Variants in TRIOBP observed in about 807,000 individuals in gnomAD.
TRIOBP encodes the protein TRIO and F-actin binding protein.
TRIOBP carries 169 observed loss-of-function variants against 238.8 expected under a neutral mutation model. The observed-to-expected ratio is 0.71, with a 90% CI of 0.62 to 0.80. The LOEUF (loss-of-function observed/expected upper bound fraction) is 0.80, where lower values mean the gene tolerates loss of function less well. TRIOBP is among the 30% of genes least tolerant of loss of function. The pLI is 0.00. For synonymous variants in TRIOBP, 1,150 were observed against 1,274.4 expected (o/e 0.90, Z 2.08); for missense variants, 2,838 against 3,122.6 (o/e 0.91, Z 2.17).
At chr22:37,748,278 C>T (rs933175929) in intron 11 of TRIOBP, among the ~76,000 whole-genome samples, 14 of 152,186 alleles carry the variant, frequency 9.2e-5, no homozygotes, top group Non-Finnish European at 7.3e-5. Context: ...TCCTCCTGTA[C>T]CCACCTCACA....
chr22:37,702,634 CTTTTTTT>C (rs34625454), intron 3 of TRIOBP, among the ~76,000 whole-genome samples: 161 of 81,206 alleles, frequency 2.0e-3, no homozygotes, highest in African/African-American at 7.4e-3. Context: ...TTCTCTCTCT[CTTTTTTT>C]TTTTTTTTTT....
At position 37,734,903 on chromosome 22, in the gene TRIOBP, G is replaced by T. The variant is rs143343534; in HGVS notation, c.4567G>T (p.Ala1523Ser). The T allele has an allele frequency of 3.1e-6, 5 of 1,613,154 alleles. No individual in the cohort carries two copies. In the African/African-American group the frequency reaches 6.7e-5, roughly 22 times the overall value. Residue 1523 changes from alanine (A) to serine (S), a missense_variant, in exon 9 of 24, where the codon GCA (alanine) becomes TCA (serine). Physicochemically the swap from Ala to Ser is moderately conservative, Grantham distance 99 (BLOSUM62 1). Transcript: ENST00000644935. ...CCCCCCTGAGAACTGGGGAGGCCCC[G>T]CAGAGTCCTCACAATCCTGGCACTC... Reference protein sequence around the residue: ...TSPPENWGGPAESSQSWHSGT... With the variant: ...TSPPENWGGPSESSQSWHSGT...
Position 37,734,755 on chromosome 22 carries a change from G to A in TRIOBP, c.4419G>A (p.Pro1473=), listed in dbSNP as rs376111214. ...GEPSLGAAKA[P]EGAWGGTSRE... The stretch of plus-strand genomic sequence containing the variant: ...CCAGCCTGGGGGCAGCCAAAGCCCC[G>A]GAGGGAGCATGGGGGGGCACTTCCA... The change falls in exon 9 of 24, where the codon CCG becomes CCA. Residue 1473 remains proline, a synonymous_variant. Transcript: ENST00000644935. 149 of 1,612,034 alleles carry A rather than the reference G, an allele frequency of 9.2e-5. No individual in the cohort carries two copies. The highest frequency in any genetic ancestry group is 8.5e-4 in the South Asian group (77 of 90,978).
At chr22:37,757,222 G>A (rs749834278) in intron 15 of TRIOBP, among the ~76,000 whole-genome samples, 4 of 152,104 alleles carry the variant, frequency 2.6e-5, no homozygotes, top group African/African-American at 7.2e-5. Context: ...AATTAGCTGG[G>A]CGTGGTGGTG....
chr22:37,702,945 A>G (rs1050668262), intron 3 of TRIOBP, among the ~76,000 whole-genome samples: 1 of 152,048 alleles, frequency 6.6e-6, no homozygotes, highest in Non-Finnish European at 1.5e-5. Context: ...ACCTGGTCTC[A>G]AGATTTTCTT....
At chr22:37,741,165 G>A (rs1310252688) in intron 11 of TRIOBP, 133 bp downstream of exon 11, 12 of 1,236,218 alleles carry the variant, frequency 9.7e-6, no homozygotes, top group South Asian at 1.4e-5. Flanking sequence ...CGCATGACAG[G>A]AGAGGTGGGA....
At position 37,759,295 on chromosome 22, in the gene TRIOBP, G is replaced by A. The variant is rs746711316; in HGVS notation, c.6324+31G>A. 9 of 1,599,030 alleles carry A rather than the reference G, an allele frequency of 5.6e-6. No homozygotes were observed. In the Admixed American group the frequency reaches 1.2e-4, roughly 21 times the overall value. ...GCCGGGGGGCTGTTTTTCAGGGGGAGGGGGCAGATTTCTGCTTGCCGTGTT... is the reference window on the plus strand; with the variant it reads ...GCCGGGGGGCTGTTTTTCAGGGGGAAGGGGCAGATTTCTGCTTGCCGTGTT... On this transcript the variant is annotated intron_variant, in intron 17 of 23. Coordinates refer to ENST00000644935, the MANE Select transcript of TRIOBP (RefSeq NM_001039141.3).
intron 6 of TRIOBP, among the ~76,000 whole-genome samples, chr22:37,718,225 C>G (rs1296104188): frequency 6.6e-6 from 1 of 152,210 alleles, no homozygotes; most frequent in African/African-American, 2.4e-5. Context: ...GCCTCTCCCT[C>G]CACACCTCCG....
Position 37,723,790 on chromosome 22 carries a change from C to T in TRIOBP, c.1234C>T (p.Pro412Ser). 7.0e-7 allele frequency: 1 copy of T among 1,419,750 alleles called. No homozygotes were observed. Among genetic ancestry groups the T allele is most frequent in the Non-Finnish European group, 9.9e-7 (1 of 1,010,564 alleles). 87.9% of individuals were successfully genotyped at this position (1,419,750 alleles called of 1,614,324 possible). ...SRTSCAQRDN[P>S]KASRTSSPNR... The stretch of plus-strand genomic sequence containing the variant: ...AACATCCTGTGCCCAGCGGGACAAT[C>T]CCAAAGCCTCCAGAACCTCCTCTCC... Residue 412 changes from proline to serine, a missense_variant, in exon 7 of 24, where the codon CCC (proline) becomes TCC (serine). This residue lies in a region of TRIOBP where 535 missense variants were observed against 537.3 expected (regional missense o/e 1.00). Coordinates refer to ENST00000644935, the MANE Select transcript of TRIOBP (RefSeq NM_001039141.3).
intron 2 of TRIOBP, among the ~76,000 whole-genome samples, chr22:37,701,050 A>G (rs1404309139): frequency 6.6e-6 from 1 of 152,190 alleles, no homozygotes; most frequent in Non-Finnish European, 1.5e-5. Context: ...CTTGGCGTGC[A>G]CTTTCAGCAA....
At chr22:37,712,139 T>A (rs1349194804) in intron 4 of TRIOBP, among the ~76,000 whole-genome samples, 2 of 152,040 alleles carry the variant, frequency 1.3e-5, no homozygotes, top group Non-Finnish European at 2.9e-5. Context: ...TTGGCCAGTC[T>A]CTTGACCTCT....
intron 12 of TRIOBP, among the ~76,000 whole-genome samples, chr22:37,753,855 G>A (rs1925762141): frequency 1.3e-5 from 2 of 152,186 alleles, no homozygotes; most frequent in African/African-American, 4.8e-5. Context: ...CTGGGGACCG[G>A]GTGATATGCA....
chr22:37,760,726 G>A (rs743835), intron 17 of TRIOBP, among the ~76,000 whole-genome samples: 6,180 of 152,214 alleles, frequency 0.041, 167 homozygotes, highest in South Asian at 0.077. Context: ...TGTAATCCCA[G>A]CACTTTGGGG....
chr22:37,764,473 CCAT>C (rs1271194280), intron 17 of TRIOBP, among the ~76,000 whole-genome samples: 1 of 152,162 alleles, frequency 6.6e-6, no homozygotes, highest in Non-Finnish European at 1.5e-5. Context: ...AAGCTCGATC[CCAT>C]CATTTATTCA....
intron 11 of TRIOBP, among the ~76,000 whole-genome samples, chr22:37,743,840 T>TGC (rs1925074695): frequency 1.6e-5 from 2 of 121,432 alleles, no homozygotes; most frequent in South Asian, 2.8e-4. Context: ...TGTGTGTGTG[T>TGC]GTGTGCTGGG....
At chr22:37,718,155 C>T (rs906082262) in intron 6 of TRIOBP, among the ~76,000 whole-genome samples, 1 of 152,234 alleles carries the variant, frequency 6.6e-6, no homozygotes, top group Non-Finnish European at 1.5e-5. Flanking sequence ...ACCAAGCCCA[C>T]GCCCACCCGG....
At position 37,765,594 on chromosome 22, in the gene TRIOBP, C is replaced by G. The variant is rs371346024; in HGVS notation, c.6325-76C>G. On this transcript the variant is annotated intron_variant, in intron 17 of 23. Coordinates refer to ENST00000644935, the MANE Select transcript of TRIOBP (RefSeq NM_001039141.3). ...GGTGGTGTACCTGCCCCTGAGCCTT[C>G]TCCTCTGGAGGCTGGGGAAGGGCCG... 1.4e-4 allele frequency: 213 copies of G among 1,541,744 alleles called. 1 individual carries two copies. The African/African-American group carries it at 2.6e-3, about 19-fold the overall frequency.
At chr22:37,755,769 C>T (rs1008347266) in intron 15 of TRIOBP, 110 bp downstream of exon 15, 1 of 855,048 alleles carries the variant, frequency 1.2e-6, no homozygotes, top group Non-Finnish European at 2.0e-6. Context: ...CCTCGTTTCT[C>T]TGTCAACAAC....
chr22:37,712,459 G>C (rs1923300530), intron 4 of TRIOBP, among the ~76,000 whole-genome samples: 1 of 152,072 alleles, frequency 6.6e-6, no homozygotes. Context: ...AGCCTCCTGA[G>C]TAGCTGGGAT....
Sources: gnomAD v4.1 joint callset for allele counts (sites outside exome capture counted in the v4.1 genomes callset) on GRCh38, gnomAD v4.1.1 for gene constraint, gnomAD v4.1.1 regional missense constraint, MANE v1.5 for transcripts, NCBI Gene and HGNC (gene_info 2026-07-23, HGNC 2026-07-21) for gene names.